Variants in GRIK1 observed in about 807,000 individuals in gnomAD.
The protein encoded by GRIK1 is glutamate ionotropic receptor kainate type subunit 1, also known as glutamate receptor ionotropic, kainate 1.
A neutral mutation model predicts 105.7 loss-of-function variants in GRIK1; 69 were observed. The observed-to-expected ratio is 0.65, with a 90% CI of 0.54 to 0.80. The LOEUF is 0.80. Ranked by LOEUF, GRIK1 falls within the 30% of genes least tolerant of loss-of-function variation. GRIK1 has a pLI of 0.00. For missense variants in GRIK1, 1,109 were observed against 1,167.3 expected, an observed-to-expected ratio of 0.95 and a Z score of 0.73; for synonymous variants, 438 against 431.3, an observed-to-expected ratio of 1.02 and a Z score of -0.19.
chr21:29,597,025 G>T (rs1399869773), intron 8 of GRIK1, among the ~76,000 whole-genome samples: 1 of 152,008 alleles, frequency 6.6e-6, no homozygotes, highest in Non-Finnish European at 1.5e-5. Context: ...TTGATGACTT[G>T]TTCTTTGATT....
chr21:29,608,082 T>A (rs2061657567), intron 7 of GRIK1, among the ~76,000 whole-genome samples: 1 of 152,142 alleles, frequency 6.6e-6, no homozygotes, highest in Non-Finnish European at 1.5e-5. Flanking sequence ...AGTGTGTGTA[T>A]GTCTGCTTAT....
intron 4 of GRIK1, among the ~76,000 whole-genome samples, chr21:29,670,181 G>A (rs1322123396): frequency 4.6e-5 from 7 of 152,152 alleles, no homozygotes; most frequent in East Asian, 1.9e-4. Flanking sequence ...AGTCTAGAAC[G>A]AAAACTGGAT....
chr21:29,844,404 A>T (rs2068062107), intron 1 of GRIK1, among the ~76,000 whole-genome samples: 1 of 152,168 alleles, frequency 6.6e-6, no homozygotes. Flanking sequence ...CTCAAGCCCC[A>T]AGTTTTGACT....
At chr21:29,849,117 T>C (rs2068228247) in intron 1 of GRIK1, among the ~76,000 whole-genome samples, 1 of 145,818 alleles carries the variant, frequency 6.9e-6, no homozygotes, top group Admixed American at 6.9e-5. Flanking sequence ...GCATATTGTT[T>C]ATACTTTTTC....
chr21:29,782,109 C>T (rs1471276658), intron 1 of GRIK1, among the ~76,000 whole-genome samples: 27 of 143,628 alleles, frequency 1.9e-4, no homozygotes, highest in African/African-American at 6.2e-4. Flanking sequence ...TTTTCTGAGA[C>T]GGAGTCTCGC....
intron 1 of GRIK1, among the ~76,000 whole-genome samples, chr21:29,806,193 A>G (rs571222391): frequency 2.1e-4 from 32 of 152,232 alleles, no homozygotes; most frequent in African/African-American, 7.5e-4. Context: ...TTTACACAAA[A>G]TGAATCTATA....
At chr21:29,839,942 C>T (rs557012365) in intron 1 of GRIK1, among the ~76,000 whole-genome samples, 19 of 152,232 alleles carry the variant, frequency 1.2e-4, no homozygotes, top group African/African-American at 4.6e-4. Context: ...GTTTCAAGGG[C>T]TTGAATGACG....
chr21:29,855,145 G>A (rs2068425896), intron 1 of GRIK1, among the ~76,000 whole-genome samples: 1 of 152,170 alleles, frequency 6.6e-6, no homozygotes, highest in Non-Finnish European at 1.5e-5. Flanking sequence ...AAACTAGTAT[G>A]TATTGGAACC....
chr21:29,789,899 A>G (rs1413282945), intron 1 of GRIK1, among the ~76,000 whole-genome samples: 1 of 152,206 alleles, frequency 6.6e-6, no homozygotes, highest in Non-Finnish European at 1.5e-5. Flanking sequence ...ATGCCTATAA[A>G]GTTTTAGTAA....
In GRIK1 at chr21:29,673,164, C is replaced by A; in HGVS notation, c.545G>T (p.Gly182Val). 1 of 1,600,602 alleles carries A rather than the reference C, an allele frequency of 6.2e-7. No individual in the cohort carries two copies. Among genetic ancestry groups the A allele is most frequent in the South Asian group, 1.1e-5 (1 of 90,296 alleles). Reference sequence around the variant, plus strand: ...GATGAGCTCTTGTAGACGAATTAGACCTAGAAAATGACATGCAATCATGCA... The same window carrying A: ...GATGAGCTCTTGTAGACGAATTAGAACTAGAAAATGACATGCAATCATGCA... ...TVTVVYEDST[G>V]LIRLQELIKA... is the part of the protein sequence containing the mutation. The change falls in exon 4 of 18, where the codon GGT becomes GTT. Residue 182 changes from glycine to valine, a missense_variant and splice_region_variant. By Grantham distance (109) the Gly-to-Val change is moderately radical. This residue lies in a region of GRIK1 where 612 missense variants were observed against 586.0 expected (regional missense o/e 1.04). Transcript: ENST00000327783.
intron 1 of GRIK1, among the ~76,000 whole-genome samples, chr21:29,928,187 G>A (rs1330801078): frequency 1.3e-5 from 2 of 152,194 alleles, no homozygotes; most frequent in African/African-American, 4.8e-5. Flanking sequence ...CAAAGGGTTG[G>A]ACATCCATGT....
chr21:29,613,509 A>C (rs991005526), intron 7 of GRIK1, among the ~76,000 whole-genome samples: 2 of 152,196 alleles, frequency 1.3e-5, no homozygotes, highest in African/African-American at 2.4e-5. Flanking sequence ...TTTGCTGACC[A>C]ATCCCACCAG....
At chr21:29,545,706 G>A (rs1372134531) in intron 16 of GRIK1, among the ~76,000 whole-genome samples, 2 of 152,016 alleles carry the variant, frequency 1.3e-5, no homozygotes, top group Admixed American at 1.3e-4. Context: ...GGTGTTAGTT[G>A]TCCACAGTGC....
intron 1 of GRIK1, among the ~76,000 whole-genome samples, chr21:29,697,963 T>TTCTC (rs147228302): frequency 0.27 from 39,915 of 149,532 alleles, 8,563 homozygotes; most frequent in African/African-American, 0.59. Flanking sequence ...CTTTCTTCCT[T>TTCTC]TCTTTCTTTC....
intron 1 of GRIK1, among the ~76,000 whole-genome samples, chr21:29,795,192 C>A (rs540775149): frequency 6.6e-6 from 1 of 151,614 alleles, no homozygotes; most frequent in East Asian, 1.9e-4. Context: ...CCTGCCACCA[C>A]GCCCGGCTAA....
intron 1 of GRIK1, among the ~76,000 whole-genome samples, chr21:29,854,032 G>T (rs141874988): frequency 6.6e-6 from 1 of 152,262 alleles, no homozygotes; most frequent in African/African-American, 2.4e-5. Flanking sequence ...TAGTCCATCT[G>T]TGTTGCTATA....
At chr21:29,637,429 C>G (rs2062419870) in intron 7 of GRIK1, among the ~76,000 whole-genome samples, 2 of 152,196 alleles carry the variant, frequency 1.3e-5, no homozygotes, top group Admixed American at 1.3e-4. Flanking sequence ...AAGCAGCTTG[C>G]TATGGTATTC....
intron 1 of GRIK1, among the ~76,000 whole-genome samples, chr21:29,829,141 A>G (rs2067557441): frequency 6.6e-6 from 1 of 152,238 alleles, no homozygotes; most frequent in Admixed American, 6.5e-5. Context: ...CATTTCATAG[A>G]AAGTTGTTTC....
At chr21:29,819,894 A>G (rs1013275850) in intron 1 of GRIK1, among the ~76,000 whole-genome samples, 7 of 152,054 alleles carry the variant, frequency 4.6e-5, no homozygotes, top group Non-Finnish European at 8.8e-5. Flanking sequence ...TCAAGCCCTC[A>G]AACTGGATTG....
Sources: gnomAD v4.1 joint callset for allele counts (sites outside exome capture counted in the v4.1 genomes callset) on GRCh38, gnomAD v4.1.1 for gene constraint, gnomAD v4.1.1 regional missense constraint, MANE v1.5 for transcripts, NCBI Gene and HGNC (gene_info 2026-07-23, HGNC 2026-07-21) for gene names.